The following SEC22B variants were observed in gnomAD, a reference collection of about 807,000 sequenced individuals.
SEC22B encodes the protein vesicle-trafficking protein SEC22b.
SEC22B carries 10 observed loss-of-function variants against 31.4 expected under a neutral mutation model. That is an observed-to-expected ratio of 0.32 (90% CI 0.20 to 0.54). The LOEUF (loss-of-function observed/expected upper bound fraction) is 0.54. Ranked by LOEUF, SEC22B falls within the 20% of genes least tolerant of loss-of-function variation. The probability of loss-of-function intolerance (pLI) is 0.94; values close to 1 mark genes in which losing one functional copy is unlikely to be tolerated. For synonymous variants in SEC22B, 60 were observed against 95.9 expected (o/e 0.63, Z 2.19); for missense variants, 130 against 263.4 (o/e 0.49, Z 3.50).
At chr1:120,162,706 C>T (rs1657738898) in intron 3 of SEC22B, among the ~76,000 whole-genome samples, 1 of 152,126 alleles carries the variant, frequency 6.6e-6, no homozygotes, top group Non-Finnish European at 1.5e-5. Flanking sequence ...AAATATTATA[C>T]CCCAATACCA....
rs1657627659 is a variant in SEC22B at position 120,156,515 on chromosome 1, C to T, written c.*523G>A. 7.2e-6 allele frequency: 1 copy of T among 137,968 alleles called. No homozygotes were observed. Among genetic ancestry groups the T allele is most frequent in the African/African-American group, 2.7e-5 (1 of 36,734 alleles). The allele number at this position is 137,968 out of a possible 1,614,324, so 8.5% of individuals were successfully genotyped here. ...TGTGGAGCACAGCAATTAACCTTCA[C>T]ATACTGGAGTCTTGTTTAAAAGGCC... On this transcript the variant is annotated 3_prime_UTR_variant, in exon 5 of 5. Coordinates refer to ENST00000578049, the MANE Select transcript of SEC22B (RefSeq NM_004892.6).
intron 1 of SEC22B, among the ~76,000 whole-genome samples, chr1:120,174,236 A>C (rs1433230185): frequency 2.0e-5 from 3 of 152,302 alleles, no homozygotes; most frequent in Non-Finnish European, 2.9e-5. Flanking sequence ...TACCTGTTCT[A>C]ATATGGTAGT....
At chr1:120,164,002 C>T in intron 2 of SEC22B, among the ~76,000 whole-genome samples, 1 of 134,106 alleles carries the variant, frequency 7.5e-6, no homozygotes, top group Non-Finnish European at 1.5e-5. Flanking sequence ...CCCAGATTAC[C>T]CAGGCTGGAA....
Position 120,151,987 on chromosome 1 carries a change from T to G in SEC22B, c.*5051A>C, listed in dbSNP as rs1657550041. Reference sequence around the variant, plus strand: ...ATAAGAAGCAGCACAGGTTTGGTTTTATCTTTGAGAACAATGGAGTGGAGG... The same window carrying G: ...ATAAGAAGCAGCACAGGTTTGGTTTGATCTTTGAGAACAATGGAGTGGAGG... On this transcript the variant is annotated 3_prime_UTR_variant, in exon 5 of 5. Coordinates refer to ENST00000578049, the MANE Select transcript of SEC22B (RefSeq NM_004892.6). 1 of 152,118 alleles carries G rather than the reference T, an allele frequency of 6.6e-6. No individual in the cohort carries two copies. The highest frequency in any genetic ancestry group is 1.5e-5 in the Non-Finnish European group (1 of 68,092). The allele number at this position is 152,118 out of a possible 1,614,324, so 9.4% of individuals were successfully genotyped here.
Position 120,176,359 on chromosome 1 carries a change from G to A in SEC22B, c.23C>T (p.Ala8Val). The A allele has an allele frequency of 1.2e-6, 2 of 1,613,734 alleles. No homozygotes were observed. The highest frequency in any genetic ancestry group is 2.2e-5 in the South Asian group (2 of 91,060). MVLLTMI[A>V]RVADGLPLAA... is the part of the protein sequence containing the mutation. ...CAGCGGGAGCCCGTCCGCCACTCGGGCGATCATTGTTAGCAACACCATCTT... is the reference window on the plus strand; with the variant it reads ...CAGCGGGAGCCCGTCCGCCACTCGGACGATCATTGTTAGCAACACCATCTT... Residue 8 changes from alanine (A) to valine (V), a missense_variant, in exon 1 of 5, where the codon GCC (alanine) becomes GTC (valine). Coordinates refer to ENST00000578049, the MANE Select transcript of SEC22B (RefSeq NM_004892.6).
rs1478181031 is a variant in SEC22B, at chr1:120,171,526, C to A, written c.76-2577G>T. On this transcript the variant is annotated intron_variant, in intron 1 of 4. Coordinates refer to ENST00000578049, the MANE Select transcript of SEC22B (RefSeq NM_004892.6). ...ATGCTGGTTCAGTTAGCATTACCAT[C>A]CTCGAGAACACAATGCTAGCACAAT... Among the ~76,000 whole-genome samples the A allele has an allele frequency of 2.8e-5, 3 of 106,714 alleles. 1 individual carries two copies. The East Asian group carries it at 6.6e-4, about 24-fold the overall frequency. The allele number at this position is 106,714 out of a possible 152,430, so 70.0% of individuals were successfully genotyped here. A position where few individuals can be genotyped will look rare whatever the true frequency, so the allele number is the denominator to read the frequency against.
In SEC22B at chr1:120,153,528, T is replaced by C. The variant is rs1465254043; in HGVS notation, c.*3510A>G. On this transcript the variant is annotated 3_prime_UTR_variant, in exon 5 of 5. Transcript: ENST00000578049. ...TAAATCTCAAGCTCCTTAAATGTGA[T>C]TTTGAGGAACTGAGACCAAAACAAT... 3 of 145,400 alleles carry C rather than the reference T, an allele frequency of 2.1e-5. No individual in the cohort carries two copies. Among genetic ancestry groups the C allele is most frequent in the Admixed American group, 2.0e-4 (3 of 14,828 alleles). The allele number at this position is 145,400 out of a possible 1,614,324, so 9.0% of individuals were successfully genotyped here.
chr1:120,170,379 G>A lies in SEC22B; in HGVS notation c.76-1430C>T, dbSNP rs1657877056. On this transcript the variant is annotated intron_variant, in intron 1 of 4. Transcript: ENST00000578049. ...AAGTGATATCTTAAAATTGTAGATA[G>A]TGTACTGCTAAGCTGATAATAAAAA... is the stretch of plus-strand genomic sequence containing the variant. Among the ~76,000 whole-genome samples, 9 of 142,522 alleles carry A rather than the reference G, an allele frequency of 6.3e-5. No homozygotes were observed. In the South Asian group the frequency reaches 2.0e-3, roughly 32 times the overall value. 93.5% of individuals were successfully genotyped at this position (142,522 alleles called of 152,430 possible).
At chr1:120,159,539 A>G (rs1403481113) in intron 4 of SEC22B, 1 of 148,522 alleles carries the variant, frequency 6.7e-6, no homozygotes, top group East Asian at 1.9e-4. Context: ...TATATTTAAT[A>G]TATATTAAAT....
intron 2 of SEC22B, among the ~76,000 whole-genome samples, chr1:120,167,287 C>G (rs1475167333): frequency 2.0e-5 from 3 of 151,724 alleles, no homozygotes; most frequent in African/African-American, 7.3e-5. Context: ...TACAGCCTTT[C>G]AAAACAAGTG....
intron 2 of SEC22B, among the ~76,000 whole-genome samples, chr1:120,165,279 C>T (rs1289203269): frequency 6.6e-6 from 1 of 151,988 alleles, no homozygotes; most frequent in Non-Finnish European, 1.5e-5. Context: ...ATAATGTTTA[C>T]TGGGTACAAG....
rs1553228854 is a variant in SEC22B at position 120,152,282 on chromosome 1, T to G, written c.*4756A>C. 6.6e-6 allele frequency: 1 copy of G among 150,420 alleles called. No homozygotes were observed. Among genetic ancestry groups the G allele is most frequent in the Non-Finnish European group, 1.5e-5 (1 of 67,786 alleles). The allele number at this position is 150,420 out of a possible 1,614,324, so 9.3% of individuals were successfully genotyped here. A position where few individuals can be genotyped will look rare whatever the true frequency, so the allele number is the denominator to read the frequency against. On this transcript the variant is annotated 3_prime_UTR_variant, in exon 5 of 5. Coordinates refer to ENST00000578049, the MANE Select transcript of SEC22B (RefSeq NM_004892.6). ...GACTAAAATGAAAGAGTATAGTATA[T>G]TATAAAATCAATAAAAGGTAAGATA...
rs1232315099 is a variant in SEC22B, at chr1:120,155,835, A to G, written c.*1203T>C. The G allele has an allele frequency of 6.6e-6, 1 of 151,888 alleles. No individual in the cohort carries two copies. Among genetic ancestry groups the G allele is most frequent in the Non-Finnish European group, 1.5e-5 (1 of 67,920 alleles). 9.4% of individuals were successfully genotyped at this position (151,888 alleles called of 1,614,324 possible). On this transcript the variant is annotated 3_prime_UTR_variant, in exon 5 of 5. Transcript: ENST00000578049. ...TCCCTGAGCAGAAAAGGAAAAAATC[A>G]TGGGTACTTTAATTAGTTAATAGAA...
At chr1:120,171,192 T>TA (rs1657891303) in intron 1 of SEC22B, among the ~76,000 whole-genome samples, 2 of 131,380 alleles carry the variant, frequency 1.5e-5, no homozygotes, top group Non-Finnish European at 3.0e-5. Flanking sequence ...CGGTATTTTT[T>TA]ACATAACTGC....
At chr1:120,169,992 G>C (rs1393935197) in intron 1 of SEC22B, among the ~76,000 whole-genome samples, 2 of 151,742 alleles carry the variant, frequency 1.3e-5, no homozygotes, top group African/African-American at 2.4e-5. Context: ...CTTTATAAAA[G>C]AGACCCCAGA....
intron 1 of SEC22B, among the ~76,000 whole-genome samples, chr1:120,173,057 A>T (rs1236928323): frequency 6.7e-6 from 1 of 148,612 alleles, no homozygotes; most frequent in Non-Finnish European, 1.5e-5. Context: ...AGTGGGTATC[A>T]ATACCCACTG....
rs1657590232 is a variant in SEC22B at position 120,154,098 on chromosome 1, A to G, written c.*2940T>C. 1 of 151,576 alleles carries G rather than the reference A, an allele frequency of 6.6e-6. No individual in the cohort carries two copies. Among genetic ancestry groups the G allele is most frequent in the Non-Finnish European group, 1.5e-5 (1 of 67,822 alleles). 9.4% of individuals were successfully genotyped at this position (151,576 alleles called of 1,614,324 possible). Reference sequence around the variant, plus strand: ...TTCCTAGTGGTTTACACACTCTTTAACCCATATGGCAATCTGGCTTCTGTC... The same window carrying G: ...TTCCTAGTGGTTTACACACTCTTTAGCCCATATGGCAATCTGGCTTCTGTC... On this transcript the variant is annotated 3_prime_UTR_variant, in exon 5 of 5. Coordinates refer to ENST00000578049, the MANE Select transcript of SEC22B (RefSeq NM_004892.6).
chr1:120,161,111 G>A (rs1257261925), intron 3 of SEC22B, among the ~76,000 whole-genome samples: 1 of 152,122 alleles, frequency 6.6e-6, no homozygotes, highest in Non-Finnish European at 1.5e-5. Context: ...AGAATCCTTA[G>A]AGAAATTAAG....
In SEC22B at chr1:120,151,372, G is replaced by A. The variant is rs587603211; in HGVS notation, c.*5666C>T. 1 of 152,398 alleles carries A rather than the reference G, an allele frequency of 6.6e-6. No homozygotes were observed. Among genetic ancestry groups the A allele is most frequent in the South Asian group, 2.1e-4 (1 of 4,820 alleles). 9.4% of individuals were successfully genotyped at this position (152,398 alleles called of 1,614,324 possible). A position where few individuals can be genotyped will look rare whatever the true frequency, so the allele number is the denominator to read the frequency against. On this transcript the variant is annotated 3_prime_UTR_variant, in exon 5 of 5. Coordinates refer to ENST00000578049, the MANE Select transcript of SEC22B (RefSeq NM_004892.6). ...TTTTATTCTAAAGAAAATGTAGTAT[G>A]ATTAGCACACACACACACAAAAATT...
Sources: gnomAD v4.1 joint callset for allele counts (sites outside exome capture counted in the v4.1 genomes callset) on GRCh38, gnomAD v4.1.1 for gene constraint, MANE v1.5 for transcripts, NCBI Gene and HGNC (gene_info 2026-07-23, HGNC 2026-07-21) for gene names.